Variants in GCDH observed in about 807,000 individuals in gnomAD.
GCDH encodes the protein glutaryl-CoA dehydrogenase, mitochondrial.
GCDH carries 31 observed loss-of-function variants against 52.8 expected under a neutral mutation model. The observed-to-expected ratio is 0.59, with a 90% confidence interval of 0.44 to 0.79. The LOEUF (loss-of-function observed/expected upper bound fraction) is 0.79, where lower values mean the gene tolerates loss of function less well. Among genes scored for constraint, GCDH ranks in the 30% least tolerant of loss-of-function variants. The pLI is 0.00. For synonymous variants in GCDH, 242 were observed against 250.0 expected (o/e 0.97, Z 0.30); for missense variants, 509 against 595.0 (o/e 0.86, Z 1.50).
intron 10 of GCDH, 112 bp from the exon 11 acceptor site, chr19:12,897,591 C>A: frequency 6.9e-7 from 1 of 1,450,886 alleles, no homozygotes; most frequent in Non-Finnish European, 9.7e-7. Context: ...CCCCACTGGT[C>A]CCTCATTGGG....
rs1374051791 is a variant in GCDH, at chr19:12,897,428, A to G, written c.1082A>G (p.Lys361Arg). The G allele has an allele frequency of 1.9e-6, 3 of 1,581,144 alleles. No homozygotes were observed. The highest frequency in any genetic ancestry group is 2.6e-6 in the Non-Finnish European group (3 of 1,152,750). ...LQLGRLKDQDKAAPEMVSLLK... is the reference protein window; with the variant it reads ...LQLGRLKDQDRAAPEMVSLLK... ...CTCGGCCGCTTGAAGGACCAGGACA[A>G]GTAGGGGCTGTGTGGTGGGGGCGGG... is the stretch of plus-strand genomic sequence containing the variant. Residue 361 changes from lysine (K) to arginine (R), a missense_variant and splice_region_variant, in exon 10 of 12, where the codon AAG (lysine) becomes AGG (arginine). By Grantham distance (26) the Lys-to-Arg change is conservative (BLOSUM62 2). Transcript: ENST00000222214.
Position 12,896,781 on chromosome 19 carries a change from G to A in GCDH, c.853-129G>A, listed in dbSNP as rs900454320. Reference sequence around the variant, plus strand: ...CTTCAGTGCCAGGGCCATCTGTGATGTGAACCACAACCTGAGTCCCCCTGC... The same window carrying A: ...CTTCAGTGCCAGGGCCATCTGTGATATGAACCACAACCTGAGTCCCCCTGC... On this transcript the variant is annotated intron_variant, in intron 8 of 11. Transcript: ENST00000222214. The surrounding 1 kb of genome is among the most constrained non-coding windows in gnomAD (Gnocchi z 5.5). The A allele has an allele frequency of 6.9e-6, 5 of 722,384 alleles. No homozygotes were observed. The East Asian group carries it at 1.3e-4, about 19-fold the overall frequency. The allele number at this position is 722,384 out of a possible 1,614,324, so 44.7% of individuals were successfully genotyped here. A position where few individuals can be genotyped will look rare whatever the true frequency, so the allele number is the denominator to read the frequency against.
intron 11 of GCDH, 186 bp downstream of exon 11, chr19:12,898,049 G>A: frequency 1.6e-6 from 1 of 628,160 alleles, no homozygotes; most frequent in Non-Finnish European, 2.9e-6. Context: ...GAAGTGAAGT[G>A]CTTCATGCAG....
At chr19:12,897,054 C>T (rs1260489973) in intron 9 of GCDH, 41 bp downstream of exon 9, 1 of 1,516,248 alleles carries the variant, frequency 6.6e-7, no homozygotes, top group African/African-American at 1.4e-5. Flanking sequence ...GGGTGTGGGG[C>T]AGCTTGGGTT....
chr19:12,898,104 T>C, intron 11 of GCDH: 4 of 547,544 alleles, frequency 7.3e-6, no homozygotes, highest in Non-Finnish European at 1.3e-5. Flanking sequence ...CCCAGCTCTT[T>C]CTCCCACATG....
At position 12,891,257 on chromosome 19, in the gene GCDH, C is replaced by A. The variant is rs746412237; in HGVS notation, c.-34-14C>A. 36 of 1,512,776 alleles carry A rather than the reference C, an allele frequency of 2.4e-5. No homozygotes were observed. The highest frequency in any genetic ancestry group is 2.6e-5 in the Non-Finnish European group (29 of 1,105,618). The allele number at this position is 1,512,776 out of a possible 1,614,324, so 93.7% of individuals were successfully genotyped here. On this transcript the variant is annotated splice_polypyrimidine_tract_variant and intron_variant, in intron 1 of 11. Transcript: ENST00000222214. ...GGTGAGAGGAGCTCCGCTCTGACAC[C>A]CCCGCTCCTGTAGGTCGCCGTCGTT...
chr19:12,895,916 C>T lies in GCDH; in HGVS notation c.506-76C>T, dbSNP rs149381119. On this transcript the variant is annotated intron_variant, in intron 6 of 11. Transcript: ENST00000222214. ...ATGACAGGCGTGAGCCACTGCACCCCGCCACGAGGATAATTTTTGAGTAAG... is the reference window on the plus strand; with the variant it reads ...ATGACAGGCGTGAGCCACTGCACCCTGCCACGAGGATAATTTTTGAGTAAG... The T allele has an allele frequency of 2.7e-3, 4,222 of 1,582,882 alleles. 100 individuals are homozygous for T. In the African/African-American group the frequency reaches 0.048, roughly 18 times the overall value.
chr19:12,898,613 G>A (rs1970752846), intron 11 of GCDH, among the ~76,000 whole-genome samples: 2 of 151,356 alleles, frequency 1.3e-5, no homozygotes, highest in Admixed American at 1.3e-4. Flanking sequence ...GAGAAGGGAT[G>A]AGTCAGATTT....
Position 12,899,514 on chromosome 19 carries a change from A to C in GCDH, c.1290A>C (p.Gly430=). The C allele has an allele frequency of 6.2e-7, 1 of 1,614,180 alleles. No individual in the cohort carries two copies. Among genetic ancestry groups the C allele is most frequent in the Non-Finnish European group, 8.5e-7 (1 of 1,180,020 alleles). ...HALILGRAIT[G]IQAFTASK is the part of the protein sequence containing the mutation. ...TGATCCTTGGGAGAGCTATCACGGG[A>C]ATCCAGGCGTTCACGGCCAGCAAGT... is the stretch of plus-strand genomic sequence containing the variant. Residue 430 remains glycine (G), a synonymous_variant, in exon 12 of 12, where the codon GGA becomes GGC. Transcript: ENST00000222214.
At chr19:12,893,780 C>T in intron 6 of GCDH, 127 bp downstream of exon 6, 1 of 841,132 alleles carries the variant, frequency 1.2e-6, no homozygotes, top group Non-Finnish European at 2.0e-6. Flanking sequence ...CCACCTGGAC[C>T]CCCGCCAGAC....
At chr19:12,893,681 G>A in intron 6 of GCDH, 28 bp downstream of exon 6, 1 of 1,599,484 alleles carries the variant, frequency 6.3e-7, no homozygotes, top group Non-Finnish European at 8.6e-7. Context: ...GGGCCTGGTG[G>A]AAGGAAGACA....
At position 12,893,616 on chromosome 19, in the gene GCDH, C is replaced by T. The variant is rs1970608084; in HGVS notation, c.468C>T (p.Gly156=). 6.2e-7 allele frequency: 1 copy of T among 1,614,070 alleles called. No individual in the cohort carries two copies. Among genetic ancestry groups the T allele is most frequent in the Non-Finnish European group, 8.5e-7 (1 of 1,179,990 alleles). ...SLVMHPIYAY[G]SEEQRQKYLP... ...TCATGCACCCTATCTATGCCTATGG[C>T]AGCGAGGAACAGCGGCAGAAGTACC... is the stretch of plus-strand genomic sequence containing the variant. The change falls in exon 6 of 12, where the codon GGC becomes GGT. Residue 156 remains glycine (G), a synonymous_variant. Coordinates refer to ENST00000222214, the MANE Select transcript of GCDH (RefSeq NM_000159.4).
At chr19:12,893,814 A>G in intron 6 of GCDH, 161 bp downstream of exon 6, 1 of 709,826 alleles carries the variant, frequency 1.4e-6, no homozygotes, top group South Asian at 1.5e-5. Context: ...TGGAGATCTG[A>G]TCCCTGGCCA....
Position 12,899,898 on chromosome 19 carries a change from T to G in GCDH, c.*357T>G. On this transcript the variant is annotated 3_prime_UTR_variant, in exon 12 of 12. Transcript: ENST00000222214. Reference sequence around the variant, plus strand: ...CACAGTGCGCCCTCCCTCCCTCCCATCTGGGGGTAGTGCCTTATGCTGGGT... The same window carrying G: ...CACAGTGCGCCCTCCCTCCCTCCCAGCTGGGGGTAGTGCCTTATGCTGGGT... 7 of 1,202,486 alleles carry G rather than the reference T, an allele frequency of 5.8e-6. No individual in the cohort carries two copies. Among genetic ancestry groups the G allele is most frequent in the African/African-American group, 1.5e-5 (1 of 65,048 alleles). 74.5% of individuals were successfully genotyped at this position (1,202,486 alleles called of 1,614,324 possible). A position where few individuals can be genotyped will look rare whatever the true frequency, so the allele number is the denominator to read the frequency against.
chr19:12,898,273 C>T (rs960989986), intron 11 of GCDH: 14 of 278,134 alleles, frequency 5.0e-5, no homozygotes, highest in South Asian at 4.0e-4. Context: ...CTTCAGATGA[C>T]GGTGTTTGCA....
At chr19:12,894,656 A>G in intron 6 of GCDH, 1 of 783,158 alleles carries the variant, frequency 1.3e-6, no homozygotes. Context: ...CAAAGCACCC[A>G]AGATTCAGCG....
intron 6 of GCDH, chr19:12,894,568 C>A: frequency 1.5e-6 from 1 of 660,640 alleles, no homozygotes; most frequent in South Asian, 1.7e-5. Flanking sequence ...GTAAACTTTT[C>A]AGTCTCTCTA....
At chr19:12,897,158 G>A in intron 9 of GCDH, 145 bp downstream of exon 9, 1 of 1,239,240 alleles carries the variant, frequency 8.1e-7, no homozygotes, top group South Asian at 1.3e-5. Context: ...CTGAGCAGCT[G>A]TGGGCTGAGT....
At chr19:12,893,738 T>C in intron 6 of GCDH, 85 bp downstream of exon 6, 1 of 1,256,576 alleles carries the variant, frequency 8.0e-7, no homozygotes, top group East Asian at 2.3e-5. Context: ...CCTGAGCCTA[T>C]TCTGTCCCTA....
Sources: gnomAD v4.1 joint callset for allele counts (sites outside exome capture counted in the v4.1 genomes callset) on GRCh38, gnomAD v4.1.1 for gene constraint, Gnocchi (gnomAD v3.1) non-coding constraint, MANE v1.5 for transcripts, NCBI Gene and HGNC (gene_info 2026-07-23, HGNC 2026-07-21) for gene names.